Variants in TBC1D9B observed in about 807,000 individuals in gnomAD.
TBC1D9B encodes the protein TBC1 domain family, member 9B (with GRAM domain).
In TBC1D9B, 87 loss-of-function variants were observed where a neutral mutation model predicts 121.1. That is an observed-to-expected ratio of 0.72 (90% CI 0.60 to 0.86). TBC1D9B has a LOEUF of 0.86. Among genes scored for constraint, TBC1D9B ranks in the 40% least tolerant of loss-of-function variants. TBC1D9B has a pLI of 0.00. For synonymous variants in TBC1D9B, 668 were observed against 670.1 expected, an observed-to-expected ratio of 1.00 and a Z score of 0.05; for missense variants, 1,540 against 1,628.6, an observed-to-expected ratio of 0.95 and a Z score of 0.94.
intron 3 of TBC1D9B, among the ~76,000 whole-genome samples, chr5:179,897,716 AGG>A: frequency 6.6e-6 from 1 of 152,378 alleles, no homozygotes; most frequent in African/African-American, 2.4e-5. Context: ...CCTGGCATAT[AGG>A]AGGCAGTGAA....
chr5:179,865,924 C>T lies in TBC1D9B; in HGVS notation c.2864-36G>A, dbSNP rs755500029. ...GCAAAAATAAAAAGAACATGAATAA[C>T]ATTCTGCTGTTGGGACTGCAAGCTC... On this transcript the variant is annotated intron_variant, in intron 18 of 20. Transcript: ENST00000355235. This position sits in a 1 kb window ranked among gnomAD's most constrained non-coding sequence, Gnocchi z 5.1. 4.2e-5 allele frequency: 67 copies of T among 1,613,302 alleles called. No homozygotes were observed. The highest frequency in any genetic ancestry group is 5.1e-5 in the Non-Finnish European group (60 of 1,179,434).
At chr5:179,900,366 C>A (rs999777265) in intron 2 of TBC1D9B, among the ~76,000 whole-genome samples, 18 of 152,278 alleles carry the variant, frequency 1.2e-4, no homozygotes, top group African/African-American at 4.3e-4. Flanking sequence ...ACCCCCAGCA[C>A]CTGTTTCTGG....
rs751716108 is a variant in TBC1D9B at position 179,878,535 on chromosome 5, C to G, written c.1568-12G>C. ...CTCATTCCAGGCCCCTGGGGAGACA[C>G]GGGTGCCAGCTGTCTCTGTCCTTCT... On this transcript the variant is annotated splice_polypyrimidine_tract_variant and intron_variant, in intron 9 of 20. Coordinates refer to ENST00000355235, the MANE Select transcript of TBC1D9B (RefSeq NM_015043.4). 5.7e-6 allele frequency: 9 copies of G among 1,586,332 alleles called. No homozygotes were observed. Among genetic ancestry groups the G allele is most frequent in the Middle Eastern group, 1.7e-4 (1 of 6,028 alleles).
At position 179,874,913 on chromosome 5, in the gene TBC1D9B, G is replaced by A. The variant is rs762333252; in HGVS notation, c.2175C>T (p.Thr725=). 1 of 1,613,238 alleles carries A rather than the reference G, an allele frequency of 6.2e-7. No homozygotes were observed. The highest frequency in any genetic ancestry group is 1.6e-4 in the Middle Eastern group (1 of 6,062). ...ACCCGGCATGTCACCTGCCCAGCAT[G>A]GTCATGGCCTCGCCCTCGTCGCTGC... The part of the protein sequence containing the change: ...LGCSDEGEAM[T]MLGRYLDNVV... The change falls in exon 12 of 21, where the codon ACC becomes ACT. Residue 725 remains threonine, a synonymous_variant. Coordinates refer to ENST00000355235, the MANE Select transcript of TBC1D9B (RefSeq NM_015043.4). This position sits in a 1 kb window ranked among gnomAD's most constrained non-coding sequence, Gnocchi z 4.3.
Position 179,904,248 on chromosome 5 carries a change from G to A in TBC1D9B, c.229+454C>T, listed in dbSNP as rs1474524579. Among the ~76,000 whole-genome samples the A allele has an allele frequency of 2.7e-5, 3 of 110,042 alleles. No individual in the cohort carries two copies. Among genetic ancestry groups the A allele is most frequent in the Non-Finnish European group, 3.1e-5 (2 of 63,790 alleles). The allele number at this position is 110,042 out of a possible 152,430, so 72.2% of individuals were successfully genotyped here. On this transcript the variant is annotated intron_variant, in intron 2 of 20. Transcript: ENST00000355235. The surrounding 1 kb of genome is among the most constrained non-coding windows in gnomAD (Gnocchi z 4.2). ...TTTTTTTTTTTTTTTTTTTTGAGAC[G>A]GAATCTCGCTGTGTCGCCCAGGCTG...
rs1035918480 is a variant in TBC1D9B, at chr5:179,885,584, G to C, written c.1254+2519C>G. 1.7e-5 allele frequency among the ~76,000 whole-genome samples: 2 copies of C among 117,764 alleles called. No homozygotes were observed. Among genetic ancestry groups the C allele is most frequent in the African/African-American group, 7.0e-5 (2 of 28,754 alleles). The allele number at this position is 117,764 out of a possible 152,430, so 77.3% of individuals were successfully genotyped here. On this transcript the variant is annotated intron_variant, in intron 7 of 20. Transcript: ENST00000355235. The surrounding 1 kb of genome is among the most constrained non-coding windows in gnomAD (Gnocchi z 4.5). ...AGCCTAGGTGACAGAGCAAGACTCT[G>C]TCCCCCCCCCAAAAAAAAAAAGATG...
intron 5 of TBC1D9B, among the ~76,000 whole-genome samples, chr5:179,892,096 G>A (rs1760883338): frequency 1.3e-5 from 2 of 152,264 alleles, no homozygotes; most frequent in Admixed American, 6.5e-5. Flanking sequence ...TCTGATGGCT[G>A]TGACAGTGGC....
chr5:179,896,455 T>C (rs1197458236), intron 3 of TBC1D9B, among the ~76,000 whole-genome samples: 1 of 152,172 alleles, frequency 6.6e-6, no homozygotes, highest in Admixed American at 6.5e-5. Flanking sequence ...AGCCACTAAG[T>C]TGATGGTAAT....
At chr5:179,882,981 C>T (rs1316749852) in intron 7 of TBC1D9B, among the ~76,000 whole-genome samples, 1 of 152,184 alleles carries the variant, frequency 6.6e-6, no homozygotes, top group African/African-American at 2.4e-5. Flanking sequence ...GCCTCAGCCT[C>T]CCAAGTAGCT....
At chr5:179,888,522 T>C (rs1760762451) in intron 6 of TBC1D9B, among the ~76,000 whole-genome samples, 3 of 152,114 alleles carry the variant, frequency 2.0e-5, no homozygotes, top group Admixed American at 1.3e-4. Context: ...TTCCTGTCGA[T>C]GGCGGGGAGC....
rs550591053 is a variant in TBC1D9B, at chr5:179,888,178, G to A, written c.1179C>T (p.Phe393=). 9.9e-6 allele frequency: 16 copies of A among 1,613,694 alleles called. No homozygotes were observed. The East Asian group carries it at 2.7e-4, about 27-fold the overall frequency. Residue 393 remains phenylalanine (F), a synonymous_variant, in exon 7 of 21, where the codon TTC becomes TTT. Transcript: ENST00000355235. ...GCTGCTTGGATGGTGTTTTCTGGAG[G>A]AAGTCAGAGATCCTCTGCACCAAGA... The part of the protein sequence containing the change: ...RDFLVQRISD[F]LQKTPSKQPG...
chr5:179,877,122 C>T (rs938076023), intron 10 of TBC1D9B, among the ~76,000 whole-genome samples: 1 of 147,960 alleles, frequency 6.8e-6, no homozygotes, highest in Admixed American at 6.7e-5. Flanking sequence ...TGGTGGCTCA[C>T]GCCTATAATC....
At chr5:179,899,896 G>A (rs1761120372) in intron 2 of TBC1D9B, among the ~76,000 whole-genome samples, 1 of 152,072 alleles carries the variant, frequency 6.6e-6, no homozygotes, top group African/African-American at 2.4e-5. Flanking sequence ...TAGGAGGGAG[G>A]GGGTCCCTGT....
intron 14 of TBC1D9B, chr5:179,871,771 T>A (rs1266151449): frequency 2.3e-6 from 1 of 436,546 alleles, no homozygotes; most frequent in African/African-American, 2.1e-5. Flanking sequence ...GGGGAGTCTC[T>A]CTCTCACACT....
intron 3 of TBC1D9B, among the ~76,000 whole-genome samples, chr5:179,897,017 C>T (rs1761039643): frequency 6.6e-6 from 1 of 151,994 alleles, no homozygotes; most frequent in Non-Finnish European, 1.5e-5. Context: ...TGCCATTCTC[C>T]TGCCTCAGCC....
Position 179,891,468 on chromosome 5 carries a change from TGTGCAGCTTGTTGAACGGCGTCCACAGG to T in TBC1D9B, c.927_954del (p.Leu310SerfsTer28). On this transcript the variant is annotated frameshift_variant, in exon 6 of 21. Transcript: ENST00000355235. LOFTEE classifies it high-confidence loss of function. The surrounding 1 kb of genome is among the most constrained non-coding windows in gnomAD (Gnocchi z 4.3). ...TTGGAGATGAACATCTGGCCAGGGA[TGTGCAGCTTGTTGAACGGCGTCCACAGG>T]GTGCAGCTTGTGTGGCCGTCTAGCC... is the stretch of plus-strand genomic sequence containing the variant. 1 of 1,614,204 alleles carries T rather than the reference TGTGCAGCTTGTTGAACGGCGTCCACAGG, an allele frequency of 6.2e-7. No homozygotes were observed. Among genetic ancestry groups the T allele is most frequent in the Non-Finnish European group, 8.5e-7 (1 of 1,180,026 alleles).
rs1759872142 is a variant in TBC1D9B at position 179,862,477 on chromosome 5, C to G, written c.*971G>C. Reference sequence around the variant, plus strand: ...CAGGCCTGAGGATGCACTTCCTTCACCAGGACCCACAACCCCTGCCCATGA... The same window carrying G: ...CAGGCCTGAGGATGCACTTCCTTCAGCAGGACCCACAACCCCTGCCCATGA... On this transcript the variant is annotated 3_prime_UTR_variant, in exon 21 of 21. Coordinates refer to ENST00000355235, the MANE Select transcript of TBC1D9B (RefSeq NM_015043.4). 1 of 439,062 alleles carries G rather than the reference C, an allele frequency of 2.3e-6. No homozygotes were observed. Among genetic ancestry groups the G allele is most frequent in the Admixed American group, 2.4e-5 (1 of 42,258 alleles). 27.2% of individuals were successfully genotyped at this position (439,062 alleles called of 1,614,324 possible). A position where few individuals can be genotyped will look rare whatever the true frequency, so the allele number is the denominator to read the frequency against.
chr5:179,865,692 A>C lies in TBC1D9B; in HGVS notation c.2914+146T>G. The C allele has an allele frequency of 1.1e-6, 1 of 918,642 alleles. No individual in the cohort carries two copies. Among genetic ancestry groups the C allele is most frequent in the Non-Finnish European group, 1.7e-6 (1 of 601,598 alleles). 56.9% of individuals were successfully genotyped at this position (918,642 alleles called of 1,614,324 possible). ...GTGGAGAGCGTGGAGCCTCCTGTGC[A>C]TCCCGAGGCCTGCTCCCTGATCGGG... On this transcript the variant is annotated intron_variant, in intron 19 of 20. Transcript: ENST00000355235. This position sits in a 1 kb window ranked among gnomAD's most constrained non-coding sequence, Gnocchi z 5.1.
At chr5:179,873,097 A>G in intron 13 of TBC1D9B, 22 bp downstream of exon 13, 1 of 1,610,790 alleles carries the variant, frequency 6.2e-7, no homozygotes, top group East Asian at 2.2e-5. Context: ...GCCTGGCCAA[A>G]ATGGCCCCAC....
Sources: gnomAD v4.1 joint callset for allele counts (sites outside exome capture counted in the v4.1 genomes callset) on GRCh38, gnomAD v4.1.1 for gene constraint, Gnocchi (gnomAD v3.1) non-coding constraint, MANE v1.5 for transcripts, NCBI Gene and HGNC (gene_info 2026-07-23, HGNC 2026-07-21) for gene names.